Variants in KLHL29 observed in about 807,000 individuals in gnomAD.
KLHL29 encodes the protein kelch-like protein 29.
A neutral mutation model predicts 80.4 loss-of-function variants in KLHL29; 21 were observed. The observed-to-expected ratio is 0.26, with a 90% CI of 0.19 to 0.38. KLHL29 has a LOEUF of 0.38. Among genes scored for constraint, KLHL29 ranks in the 10% least tolerant of loss-of-function variants. KLHL29 has a pLI of 1.00. For missense variants in KLHL29, 867 were observed against 1,223.9 expected, an observed-to-expected ratio of 0.71 and a Z score of 4.35; for synonymous variants, 511 against 526.8, an observed-to-expected ratio of 0.97 and a Z score of 0.41.
At chr2:23,492,196 T>C (rs1432045660) in intron 2 of KLHL29, among the ~76,000 whole-genome samples, 5 of 152,232 alleles carry the variant, frequency 3.3e-5, no homozygotes, top group Non-Finnish European at 1.5e-5. Context: ...CGTGCCACTG[T>C]GCCTCTTCCA....
intron 5 of KLHL29, among the ~76,000 whole-genome samples, chr2:23,666,003 C>A (rs1303875506): frequency 6.6e-6 from 1 of 152,206 alleles, no homozygotes; most frequent in African/African-American, 2.4e-5. Context: ...GAGATGAGTA[C>A]CTTGGTGGGA....
chr2:23,489,705 G>A (rs57347000), intron 2 of KLHL29, among the ~76,000 whole-genome samples: 131 of 151,960 alleles, frequency 8.6e-4, no homozygotes, highest in African/African-American at 3.1e-3. Flanking sequence ...AGATGGCCCC[G>A]AGTGAATGTG....
intron 3 of KLHL29, among the ~76,000 whole-genome samples, chr2:23,586,042 C>T (rs190313214): frequency 6.6e-6 from 1 of 152,250 alleles, no homozygotes; most frequent in Non-Finnish European, 1.5e-5. Context: ...AACGAGAGCA[C>T]ACAGAAGGCC....
chr2:23,623,641 G>A lies in KLHL29; in HGVS notation c.286-15498G>A, dbSNP rs1314029635. Among the ~76,000 whole-genome samples, 6 of 152,272 alleles carry A rather than the reference G, an allele frequency of 3.9e-5. No individual in the cohort carries two copies. In the South Asian group the frequency reaches 6.2e-4, roughly 16 times the overall value. ...CAGCTACTCCTGCCCTGTGGGGGCC[G>A]GAGTCCCCCCGCAGTCCAAGAAGGC... On this transcript the variant is annotated intron_variant, in intron 3 of 13. Coordinates refer to ENST00000486442, the MANE Select transcript of KLHL29 (RefSeq NM_052920.2).
chr2:23,663,965 C>G (rs746352629), intron 5 of KLHL29, among the ~76,000 whole-genome samples: 2 of 152,192 alleles, frequency 1.3e-5, no homozygotes, highest in Non-Finnish European at 2.9e-5. Flanking sequence ...AAACTTGGAA[C>G]ATAAATTATT....
chr2:23,527,567 A>C (rs1666364759), intron 2 of KLHL29, among the ~76,000 whole-genome samples: 1 of 152,216 alleles, frequency 6.6e-6, no homozygotes, highest in Non-Finnish European at 1.5e-5. Context: ...GAGGCTGTTC[A>C]TCTCCGGGCA....
intron 2 of KLHL29, among the ~76,000 whole-genome samples, chr2:23,517,858 T>C (rs2103467205): frequency 6.6e-6 from 1 of 152,182 alleles, no homozygotes; most frequent in East Asian, 1.9e-4. Flanking sequence ...CTAAGATACA[T>C]TGGCCTTCCA....
intron 3 of KLHL29, among the ~76,000 whole-genome samples, chr2:23,583,184 C>T (rs1335815189): frequency 6.6e-6 from 1 of 152,174 alleles, no homozygotes; most frequent in African/African-American, 2.4e-5. Flanking sequence ...GAGAAGGGAC[C>T]TTTCTGTCCT....
chr2:23,683,013 C>T (rs898158425), intron 5 of KLHL29, among the ~76,000 whole-genome samples: 1 of 152,228 alleles, frequency 6.6e-6, no homozygotes, highest in Non-Finnish European at 1.5e-5. Flanking sequence ...AGTGTGTCCT[C>T]ACCAAAAAGG....
chr2:23,429,892 T>C (rs1348116147), intron 1 of KLHL29, among the ~76,000 whole-genome samples: 1 of 152,214 alleles, frequency 6.6e-6, no homozygotes, highest in Non-Finnish European at 1.5e-5. Flanking sequence ...TAAATTTATA[T>C]TTTTTCAATT....
intron 2 of KLHL29, among the ~76,000 whole-genome samples, chr2:23,486,542 C>T (rs955808528): frequency 2.0e-5 from 3 of 152,186 alleles, no homozygotes; most frequent in Admixed American, 1.3e-4. Flanking sequence ...GCTTCTGGGA[C>T]TCCACCACAA....
chr2:23,558,694 A>G (rs1284660732), intron 2 of KLHL29, among the ~76,000 whole-genome samples: 1 of 152,202 alleles, frequency 6.6e-6, no homozygotes, highest in Non-Finnish European at 1.5e-5. Flanking sequence ...GTGAGCCCCC[A>G]CGCCCAGGCT....
At chr2:23,632,834 C>T (rs1032425264) in intron 3 of KLHL29, among the ~76,000 whole-genome samples, 16 of 152,236 alleles carry the variant, frequency 1.1e-4, no homozygotes, top group Admixed American at 3.3e-4. Context: ...CGCATGGACT[C>T]GGAGCAGTGC....
In KLHL29 at chr2:23,696,542, A is replaced by G; in HGVS notation, c.2105+29A>G. 2.0e-6 allele frequency: 3 copies of G among 1,472,582 alleles called. No homozygotes were observed. Among genetic ancestry groups the G allele is most frequent in the Non-Finnish European group, 2.7e-6 (3 of 1,106,190 alleles). The allele number at this position is 1,472,582 out of a possible 1,614,324, so 91.2% of individuals were successfully genotyped here. ...ATGAGGCCACGGTCAGGACAGGGGC[A>G]TGCTCTTTGCTCACCAAGAACTGAA... On this transcript the variant is annotated intron_variant, in intron 11 of 13. Coordinates refer to ENST00000486442, the MANE Select transcript of KLHL29 (RefSeq NM_052920.2). This position sits in a 1 kb window ranked among gnomAD's most constrained non-coding sequence, Gnocchi z 5.5.
intron 3 of KLHL29, among the ~76,000 whole-genome samples, chr2:23,615,204 G>C (rs12478372): frequency 0.038 from 5,800 of 152,286 alleles, 171 homozygotes; most frequent in Non-Finnish European, 0.062. Flanking sequence ...ACAAGCCCGG[G>C]GGCAGGCTTT....
chr2:23,592,958 AC>A (rs1668305407), intron 3 of KLHL29, among the ~76,000 whole-genome samples: 1 of 152,036 alleles, frequency 6.6e-6, no homozygotes, highest in South Asian at 2.1e-4. Context: ...TTTCCCAGCT[AC>A]CCCACTGGTC....
chr2:23,391,423 A>G (rs1486680700), intron 1 of KLHL29, among the ~76,000 whole-genome samples: 2 of 151,966 alleles, frequency 1.3e-5, no homozygotes, highest in Admixed American at 6.5e-5. Context: ...AATTGCTGCT[A>G]TTTTGATGTT....
At chr2:23,643,895 CACA>C (rs1669846974) in intron 5 of KLHL29, 1 of 152,246 alleles carries the variant, frequency 6.6e-6, no homozygotes, top group South Asian at 2.1e-4. Context: ...CATCTCTGGG[CACA>C]ACTTCCCAGC....
chr2:23,610,841 C>G (rs937695295), intron 3 of KLHL29, among the ~76,000 whole-genome samples: 1 of 152,254 alleles, frequency 6.6e-6, no homozygotes, highest in African/African-American at 2.4e-5. Context: ...TAAATATTTG[C>G]AGCAGTAAAG....
Sources: allele counts gnomAD v4.1 joint callset (sites outside exome capture counted in the v4.1 genomes callset), GRCh38; gene constraint gnomAD v4.1.1; non-coding constraint Gnocchi (gnomAD v3.1); transcripts MANE v1.5; gene names NCBI Gene and HGNC (gene_info 2026-07-23, HGNC 2026-07-21).